Variants in BEND4 observed in about 807,000 individuals in gnomAD.
BEND4 encodes BEN domain containing 4.
A neutral mutation model predicts 54.7 loss-of-function variants in BEND4; 27 were observed. The observed-to-expected ratio is 0.49, with a 90% confidence interval of 0.36 to 0.68. The LOEUF (loss-of-function observed/expected upper bound fraction) is 0.68, where lower values mean the gene tolerates loss of function less well. BEND4 is among the 30% of genes least tolerant of loss of function. BEND4 has a pLI of 0.00. For missense variants in BEND4, 702 were observed against 697.2 expected (o/e 1.01, Z -0.08); for synonymous variants, 327 against 299.5 (o/e 1.09, Z -0.95).
Position 42,113,147 on chromosome 4 carries a change from T to C in BEND4, c.*4371A>G, listed in dbSNP as rs1034635558. The C allele has an allele frequency of 3.9e-5, 6 of 152,262 alleles. No homozygotes were observed. Among genetic ancestry groups the C allele is most frequent in the African/African-American group, 1.2e-4 (5 of 41,464 alleles). The allele number at this position is 152,262 out of a possible 1,614,324, so 9.4% of individuals were successfully genotyped here. A position where few individuals can be genotyped will look rare whatever the true frequency, so the allele number is the denominator to read the frequency against. The stretch of plus-strand genomic sequence containing the variant: ...ACATTAAACATACACCAGCAAGACT[T>C]GCACCATATGTGCAAAATCATTTTC... On this transcript the variant is annotated 3_prime_UTR_variant, in exon 6 of 6. Transcript: ENST00000502486.
intron 3 of BEND4, among the ~76,000 whole-genome samples, chr4:42,139,371 C>T (rs4861164): frequency 0.032 from 4,919 of 152,172 alleles, 221 homozygotes; most frequent in African/African-American, 0.097. Flanking sequence ...CATCAAAAGA[C>T]TGTGTTGGAT....
Position 42,111,846 on chromosome 4 carries a change from C to T in BEND4, c.*5672G>A, listed in dbSNP as rs1001442531. ...AGTTCAAATGTTTGCTTTTATCTCC[C>T]TGCATTTTTGCACTAGGAACCTATG... is the stretch of plus-strand genomic sequence containing the variant. On this transcript the variant is annotated 3_prime_UTR_variant, in exon 6 of 6. Coordinates refer to ENST00000502486, the MANE Select transcript of BEND4 (RefSeq NM_207406.4). 1 of 152,116 alleles carries T rather than the reference C, an allele frequency of 6.6e-6. No homozygotes were observed. Among genetic ancestry groups the T allele is most frequent in the African/African-American group, 2.4e-5 (1 of 41,412 alleles). 9.4% of individuals were successfully genotyped at this position (152,116 alleles called of 1,614,324 possible). A position where few individuals can be genotyped will look rare whatever the true frequency, so the allele number is the denominator to read the frequency against.
intron 2 of BEND4, among the ~76,000 whole-genome samples, chr4:42,149,791 A>G (rs779942575): frequency 4.5e-4 from 69 of 152,190 alleles, no homozygotes; most frequent in Non-Finnish European, 9.0e-4. Context: ...TAACCAAGGA[A>G]AGAACAGCAA....
chr4:42,142,103 C>T (rs1361081643), intron 3 of BEND4, among the ~76,000 whole-genome samples: 1 of 150,976 alleles, frequency 6.6e-6, no homozygotes, highest in Non-Finnish European at 1.5e-5. Context: ...GACGGGGTTT[C>T]ACCATGTTAG....
At chr4:42,142,148 G>A (rs1278167713) in intron 3 of BEND4, among the ~76,000 whole-genome samples, 9 of 150,958 alleles carry the variant, frequency 6.0e-5, no homozygotes, top group East Asian at 2.0e-4. Flanking sequence ...CTTGTGATCC[G>A]CCCCCCCTCG....
chr4:42,118,520 T>C (rs973966485), intron 5 of BEND4, among the ~76,000 whole-genome samples: 1 of 152,230 alleles, frequency 6.6e-6, no homozygotes, highest in African/African-American at 2.4e-5. Flanking sequence ...TTAGGCAGCC[T>C]GGACTGCATC....
chr4:42,124,623 T>C (rs1204064451), intron 4 of BEND4, among the ~76,000 whole-genome samples: 1 of 152,158 alleles, frequency 6.6e-6, no homozygotes, highest in African/African-American at 2.4e-5. Context: ...AGGGGCCTCT[T>C]GCAGAAAACT....
In BEND4 at chr4:42,123,694, G is replaced by GAAAAAAAAA. The variant is rs71664396; in HGVS notation, c.1146+1880_1146+1888dup. Among the ~76,000 whole-genome samples the GAAAAAAAAA allele has an allele frequency of 2.0e-3, 100 of 50,756 alleles. 4 individuals are homozygous for GAAAAAAAAA. The highest frequency in any genetic ancestry group is 6.6e-3 in the African/African-American group (88 of 13,280). The allele number at this position is 50,756 out of a possible 152,430, so 33.3% of individuals were successfully genotyped here. ...ATATTTACTTTGGATCTGTAATTCA[G>GAAAAAAAAA]AAAAAAAAAAAAAAAAAAAAAAACA... is the stretch of plus-strand genomic sequence containing the variant. On this transcript the variant is annotated intron_variant, in intron 4 of 5. Transcript: ENST00000502486.
chr4:42,150,670 T>G lies in BEND4; in HGVS notation c.487+987A>C, dbSNP rs183821105. Among the ~76,000 whole-genome samples, 1,005 of 152,012 alleles carry G rather than the reference T, an allele frequency of 6.6e-3. 9 individuals are homozygous for G. The highest frequency in any genetic ancestry group is 0.023 in the African/African-American group (942 of 41,460). On this transcript the variant is annotated intron_variant, in intron 2 of 5. Coordinates refer to ENST00000502486, the MANE Select transcript of BEND4 (RefSeq NM_207406.4). ...CACCCACTGGGAGCTGGTGGAGAGG[T>G]CCCTTGGGCGCAGGCCTCAGGCTGT...
intron 3 of BEND4, among the ~76,000 whole-genome samples, chr4:42,139,715 C>T (rs1001676937): frequency 6.6e-6 from 1 of 152,138 alleles, no homozygotes; most frequent in African/African-American, 2.4e-5. Context: ...TCTGTGCTAA[C>T]TGCTGAGCGT....
chr4:42,148,472 T>C (rs1336568824), intron 2 of BEND4, among the ~76,000 whole-genome samples: 1 of 152,228 alleles, frequency 6.6e-6, no homozygotes, highest in Admixed American at 6.5e-5. Flanking sequence ...ATGCTGCTAT[T>C]TGTGATGGCA....
At chr4:42,131,135 A>T (rs949144566) in intron 3 of BEND4, among the ~76,000 whole-genome samples, 13 of 152,192 alleles carry the variant, frequency 8.5e-5, no homozygotes, top group African/African-American at 2.9e-4. Context: ...TGCGTAGGTG[A>T]TGGGTTGACA....
At chr4:42,144,501 T>A (rs1721008769) in intron 2 of BEND4, among the ~76,000 whole-genome samples, 1 of 152,220 alleles carries the variant, frequency 6.6e-6, no homozygotes, top group African/African-American at 2.4e-5. Context: ...AAGATAAGTC[T>A]TTTTGAAGAG....
At chr4:42,132,449 T>A (rs181360300) in intron 3 of BEND4, among the ~76,000 whole-genome samples, 2 of 151,988 alleles carry the variant, frequency 1.3e-5, no homozygotes, top group East Asian at 3.9e-4. Context: ...TATTATTTAT[T>A]TATTTATTTA....
intron 3 of BEND4, among the ~76,000 whole-genome samples, chr4:42,137,443 CT>C (rs1386874268): frequency 1.3e-5 from 2 of 152,152 alleles, no homozygotes; most frequent in Non-Finnish European, 2.9e-5. Context: ...GGGAATGCTC[CT>C]GGACACTGGC....
At chr4:42,137,096 G>C (rs1720722635) in intron 3 of BEND4, among the ~76,000 whole-genome samples, 1 of 152,122 alleles carries the variant, frequency 6.6e-6, no homozygotes, top group Admixed American at 6.6e-5. Flanking sequence ...GGAGTCAGAG[G>C]CTTGGATTAT....
chr4:42,126,600 T>C (rs897364595), intron 3 of BEND4, among the ~76,000 whole-genome samples: 1 of 152,256 alleles, frequency 6.6e-6, no homozygotes. Context: ...TAAAAGTGAA[T>C]AGATACCAAC....
At chr4:42,138,138 G>T (rs1262373158) in intron 3 of BEND4, among the ~76,000 whole-genome samples, 1 of 152,090 alleles carries the variant, frequency 6.6e-6, no homozygotes, top group Admixed American at 6.5e-5. Flanking sequence ...GCACTCCCAC[G>T]TTCATTGCAG....
At position 42,143,678 on chromosome 4, in the gene BEND4, C is replaced by T. The variant is rs539287556; in HGVS notation, c.804G>A (p.Ser268=). 18 of 1,613,906 alleles carry T rather than the reference C, an allele frequency of 1.1e-5. No individual in the cohort carries two copies. The South Asian group carries it at 1.2e-4, about 11-fold the overall frequency. The change falls in exon 3 of 6, where the codon TCG becomes TCA. Residue 268 remains serine, a synonymous_variant. Transcript: ENST00000502486. ...LSGSFPTPNP[S]SASEYGHLAD... ...CCAGATGGCCATATTCACTGGCTGACGAGGGGTTTGGAGTTGGAAAGCTTC... is the reference window on the plus strand; with the variant it reads ...CCAGATGGCCATATTCACTGGCTGATGAGGGGTTTGGAGTTGGAAAGCTTC...
Sources: allele counts gnomAD v4.1 joint callset (sites outside exome capture counted in the v4.1 genomes callset), GRCh38; gene constraint gnomAD v4.1.1; transcripts MANE v1.5; gene names NCBI Gene and HGNC (gene_info 2026-07-23, HGNC 2026-07-21).